Variants in AVEN observed in about 807,000 individuals in gnomAD.
AVEN encodes the protein cell death regulator Aven.
In AVEN, 41 loss-of-function variants were observed where a neutral mutation model predicts 38.1. The ratio of observed to expected loss-of-function variants is 1.08; its 90% CI spans 0.84 to 1.40. The LOEUF (loss-of-function observed/expected upper bound fraction) is 1.40, where lower values mean the gene tolerates loss of function less well. Ranked by LOEUF, AVEN falls within the 40% of genes most tolerant of loss-of-function variation. AVEN has a pLI of 0.00. For missense variants in AVEN, 605 were observed against 438.8 expected (o/e 1.38, Z -3.38); for synonymous variants, 206 against 171.8 (o/e 1.20, Z -1.56).
At chr15:33,897,704 C>T (rs995564665) in intron 2 of AVEN, among the ~76,000 whole-genome samples, 10 of 151,948 alleles carry the variant, frequency 6.6e-5, no homozygotes, top group Non-Finnish European at 1.3e-4. Context: ...ATAAGACGAC[C>T]TTATCTCTAC....
At chr15:34,021,112 T>A (rs1463629113) in intron 1 of AVEN, among the ~76,000 whole-genome samples, 1 of 152,216 alleles carries the variant, frequency 6.6e-6, no homozygotes, top group Non-Finnish European at 1.5e-5. Flanking sequence ...TCTTCCCCGA[T>A]GAAGAGTCTA....
intron 1 of AVEN, among the ~76,000 whole-genome samples, chr15:34,007,673 C>A (rs973957284): frequency 6.6e-6 from 1 of 152,152 alleles, no homozygotes; most frequent in Non-Finnish European, 1.5e-5. Context: ...TTCCTGGTAC[C>A]GTATTACTTT....
intron 2 of AVEN, among the ~76,000 whole-genome samples, chr15:33,936,954 AC>A (rs1347976640): frequency 4.3e-4 from 62 of 145,346 alleles, no homozygotes; most frequent in Middle Eastern, 3.8e-3. Context: ...ACACAGTGAA[AC>A]CCCATCTCTA....
chr15:33,886,086 G>A (rs760115559), intron 2 of AVEN, among the ~76,000 whole-genome samples: 1 of 152,164 alleles, frequency 6.6e-6, no homozygotes, highest in Non-Finnish European at 1.5e-5. Context: ...AGCTCTGGCT[G>A]CATGTAACAA....
Position 33,859,700 on chromosome 15 carries a change from C to T in AVEN, n.2730-606G>A, listed in dbSNP as rs79305633. The stretch of plus-strand genomic sequence containing the variant: ...TCTTTGACATTACCTTTTTCTTCTT[C>T]GTCATTGTCATCTTGCTGGCCATCA... On this transcript the variant is annotated intron_variant and non_coding_transcript_variant, in intron 11 of 11. Coordinates refer to the AVEN transcript ENST00000675287. The T allele has an allele frequency of 0.037, 60,169 of 1,611,940 alleles. 1,484 individuals carry two copies. The highest frequency in any genetic ancestry group is 0.039 in the Non-Finnish European group (46,534 of 1,178,774).
chr15:34,022,179 C>G (rs1309169447), intron 1 of AVEN, among the ~76,000 whole-genome samples: 1 of 152,202 alleles, frequency 6.6e-6, no homozygotes, highest in Non-Finnish European at 1.5e-5. Flanking sequence ...GCTCCTCAGA[C>G]ATCAAATGAA....
upstream of AVEN, among the ~76,000 whole-genome samples, chr15:34,040,384 G>C (rs1899418855): frequency 6.6e-6 from 1 of 152,184 alleles, no homozygotes; most frequent in Non-Finnish European, 1.5e-5. Context: ...GGTTGAGTAG[G>C]AGTTTGCCTG....
At chr15:34,065,351 T>A (rs1900481870) in intron 4 of AVEN, 1 of 152,246 alleles carries the variant, frequency 6.6e-6, no homozygotes, top group Admixed American at 6.5e-5. Context: ...GCTTTTGAAT[T>A]TCTTCCAGAG....
At chr15:33,954,316 G>GGT (rs1390916668) in intron 2 of AVEN, among the ~76,000 whole-genome samples, 1 of 152,192 alleles carries the variant, frequency 6.6e-6, no homozygotes, top group Non-Finnish European at 1.5e-5. Context: ...ATACCCAAAG[G>GGT]ATTATAAATC....
chr15:33,939,088 G>A (rs1006375980), intron 2 of AVEN, among the ~76,000 whole-genome samples: 6 of 152,196 alleles, frequency 3.9e-5, no homozygotes, highest in Middle Eastern at 6.8e-3. Flanking sequence ...TGATTCGCCC[G>A]CTTCAGCCTC....
Position 33,937,338 on chromosome 15 carries a change from TCCTGGCTAACAC to T in AVEN, c.446-61355_446-61344del, listed in dbSNP as rs561989306. On this transcript the variant is annotated intron_variant, in intron 2 of 5. Coordinates refer to ENST00000306730, the MANE Select transcript of AVEN (RefSeq NM_020371.3). ...TCATGAGGTCAGGAGATTGAGACCA[TCCTGGCTAACAC>T]GGTGAAACCCATCTCTACTAAAAAT... Among the ~76,000 whole-genome samples, 400 of 150,344 alleles carry T rather than the reference TCCTGGCTAACAC, an allele frequency of 2.7e-3. 1 individual carries two copies. The highest frequency in any genetic ancestry group is 9.3e-3 in the African/African-American group (379 of 40,600).
At chr15:33,864,482 G>T (rs977633921), downstream of AVEN, among the ~76,000 whole-genome samples, 12 of 152,156 alleles carry the variant, frequency 7.9e-5, no homozygotes, top group African/African-American at 2.9e-4. Flanking sequence ...AATAAGAAAT[G>T]GAGTGGGTGG....
At position 33,979,411 on chromosome 15, in the gene AVEN, AG is replaced by A. The variant is rs1299694905; in HGVS notation, c.445+23620del. Among the ~76,000 whole-genome samples the A allele has an allele frequency of 1.1e-4, 17 of 152,240 alleles. No homozygotes were observed. In the South Asian group the frequency reaches 1.2e-3, roughly 11 times the overall value. On this transcript the variant is annotated intron_variant, in intron 2 of 5. Coordinates refer to ENST00000306730, the MANE Select transcript of AVEN (RefSeq NM_020371.3). ...GTAATCCCAGCTACTCAGGAGGCTG[AG>A]GTGGAAGGATCACATGAGCCCAGGA...
At chr15:33,863,998 T>A, downstream of AVEN, 2 of 597,982 alleles carry the variant, frequency 3.3e-6, no homozygotes, top group Non-Finnish European at 6.0e-6. Context: ...TGTGTCCTTA[T>A]GCCACACTTC....
chr15:33,905,436 T>C, intron 2 of AVEN, among the ~76,000 whole-genome samples: 1 of 152,226 alleles, frequency 6.6e-6, no homozygotes, highest in South Asian at 2.1e-4. Flanking sequence ...ATGTATTAGA[T>C]GCTCAATAAA....
chr15:33,857,564 C>G (rs2079824706), downstream of AVEN, among the ~76,000 whole-genome samples: 2 of 152,156 alleles, frequency 1.3e-5, no homozygotes, highest in South Asian at 2.1e-4. Flanking sequence ...CATCATTACT[C>G]TTTTCTGCCA....
intron 11 of AVEN, chr15:33,860,536 C>A: frequency 2.0e-6 from 2 of 983,218 alleles, no homozygotes; most frequent in Non-Finnish European, 1.5e-6. Context: ...CTTCCTTTAT[C>A]ATTCCTCTAC....
At chr15:34,044,109 A>C (rs1899593070), upstream of AVEN, among the ~76,000 whole-genome samples, 1 of 151,964 alleles carries the variant, frequency 6.6e-6, no homozygotes, top group South Asian at 2.1e-4. Flanking sequence ...AAAAAAAAAA[A>C]ACTTCTTGGC....
intron 1 of AVEN, among the ~76,000 whole-genome samples, chr15:34,038,456 G>C (rs1005937307): frequency 5.9e-5 from 9 of 152,158 alleles, no homozygotes; most frequent in South Asian, 2.1e-4. Context: ...GCCGGCCCAC[G>C]GGCCGCCGAG....
Sources: allele counts gnomAD v4.1 joint callset (sites outside exome capture counted in the v4.1 genomes callset), GRCh38; gene constraint gnomAD v4.1.1; transcripts MANE v1.5; gene names NCBI Gene and HGNC (gene_info 2026-07-23, HGNC 2026-07-21).